Variants in HELZ2 observed in about 807,000 individuals in gnomAD.
HELZ2 encodes the protein 3'-5' exoribonuclease HELZ2.
Under a neutral mutation model 208.8 loss-of-function variants are expected in HELZ2, and 143 were observed. That is an observed-to-expected ratio of 0.68 (90% CI 0.60 to 0.79). HELZ2 has a LOEUF of 0.79. HELZ2 is among the 30% of genes least tolerant of loss of function. The probability of loss-of-function intolerance (pLI) is 0.00; values close to 1 mark genes in which losing one functional copy is unlikely to be tolerated. For synonymous variants in HELZ2, 1,705 were observed against 1,693.7 expected (o/e 1.01, Z -0.16); for missense variants, 3,690 against 3,794.5 (o/e 0.97, Z 0.72).
At chr20:63,560,304 G>T in exon 17 of HELZ2, 1 of 1,555,592 alleles carries the variant, frequency 6.4e-7, no homozygotes, top group Non-Finnish European at 8.7e-7. Flanking sequence ...TCCTCCCCAG[G>T]GTCAGCTGCT....
At chr20:63,559,511 GATGGGA>G (rs1411170055) in intron 18 of HELZ2, 141 bp from the exon 20 acceptor site, 183 of 363,090 alleles carry the variant, frequency 5.0e-4, no homozygotes, top group Middle Eastern at 1.4e-3. Flanking sequence ...GTCAGGGTCA[GATGGGA>G]GTCAGTCAGA....
chr20:63,559,361 A>G, exon 19 of HELZ2: 5 of 1,596,018 alleles, frequency 3.1e-6, no homozygotes, highest in Non-Finnish European at 4.3e-6. Context: ...GCGCAGAAGG[A>G]GGTGGTCTCC....
chr20:63,565,364 C>T lies in HELZ2; in HGVS notation c.3458G>A (p.Gly1153Asp), dbSNP rs1158748057. ...CAGGCGGCCCCTGACCTGGATGGGG[C>T]CCGAGGAGGCATCGTCCAGCGGGAT... The change falls in exon 8 of 19, where the codon GGC becomes GAC. Residue 1153 changes from glycine (G) to aspartate (D), a missense_variant. Gly to Asp is a moderately conservative substitution (Grantham distance 94). Coordinates refer to ENST00000467148, the Ensembl canonical transcript of HELZ2. 3 of 1,607,172 alleles carry T rather than the reference C, an allele frequency of 1.9e-6. No homozygotes were observed. In the South Asian group the frequency reaches 3.3e-5, roughly 18 times the overall value.
Position 63,564,901 on chromosome 20 carries a change from C to T in HELZ2, c.3921G>A (p.Arg1307=), listed in dbSNP as rs770687703. The T allele has an allele frequency of 2.5e-6, 4 of 1,612,188 alleles. No homozygotes were observed. In the South Asian group the frequency reaches 3.3e-5, roughly 13 times the overall value. Residue 1307 remains arginine, a synonymous_variant, in exon 8 of 19, where the codon AGG becomes AGA. Coordinates refer to ENST00000467148, the Ensembl canonical transcript of HELZ2. Reference sequence around the variant, plus strand: ...TGGTGGCCTGGTCCGACGGGGGCACCCTCAAGCTGTACTCCAGGCCGAGGA... The same window carrying T: ...TGGTGGCCTGGTCCGACGGGGGCACTCTCAAGCTGTACTCCAGGCCGAGGA...
At chr20:63,568,751 C>G in exon 5 of HELZ2, 3 of 1,604,872 alleles carry the variant, frequency 1.9e-6, no homozygotes, top group Non-Finnish European at 2.5e-6. Flanking sequence ...AAGCAGCAGC[C>G]ACAGCGCCTG....
At chr20:63,561,801 C>T in intron 11 of HELZ2, 22 bp downstream of exon 12, 1 of 1,554,088 alleles carries the variant, frequency 6.4e-7, no homozygotes. Context: ...CCCAAAGGCC[C>T]CCACCGCCGA....
chr20:63,572,738 A>T (rs929349992), upstream of HELZ2: 5 of 263,496 alleles, frequency 1.9e-5, no homozygotes, highest in Non-Finnish European at 3.6e-5. Flanking sequence ...CTTCAGCCAT[A>T]GGCGCTGGAG....
chr20:63,564,143 C>T (rs1305047111), exon 8 of HELZ2: 1 of 1,611,770 alleles, frequency 6.2e-7, no homozygotes, highest in Non-Finnish European at 8.5e-7. Context: ...GAGCTGCTGG[C>T]TGCGGGGTGC....
intron 2 of HELZ2, 36 bp from the exon 4 acceptor site, chr20:63,570,647 A>ACGCCCCCCC: frequency 6.7e-7 from 1 of 1,497,370 alleles, no homozygotes; most frequent in Non-Finnish European, 9.2e-7. Flanking sequence ...AGAGGCCTGG[A>ACGCCCCCCC]CCCCACCCCA....
intron 1 of HELZ2, 109 bp downstream of exon 2, chr20:63,571,999 G>A: frequency 7.7e-7 from 1 of 1,297,044 alleles, no homozygotes; most frequent in Non-Finnish European, 1.0e-6. Flanking sequence ...GGGAGCCTCT[G>A]GCTCTGCCTG....
exon 1 of HELZ2, chr20:63,572,190 G>C: frequency 6.2e-7 from 1 of 1,608,922 alleles, no homozygotes; most frequent in Non-Finnish European, 8.5e-7. Context: ...GCCACCATCT[G>C]TGCGTGCTCC....
At chr20:63,558,915 G>A (rs145867812), downstream of HELZ2, 128 of 230,640 alleles carry the variant, frequency 5.5e-4, no homozygotes, top group African/African-American at 2.6e-3. Flanking sequence ...TACAGGTGGC[G>A]TCCAAAGGTC....
chr20:63,572,562 C>A (rs958013105), upstream of HELZ2: 8 of 654,648 alleles, frequency 1.2e-5, no homozygotes, highest in African/African-American at 1.5e-4. Context: ...GAGGGGCAGG[C>A]TCCGTGCTCA....
At chr20:63,567,004 A>C in exon 6 of HELZ2, 4 of 1,611,022 alleles carry the variant, frequency 2.5e-6, no homozygotes, top group Non-Finnish European at 3.4e-6. Flanking sequence ...GCTGCCCGCC[A>C]CGTGGCAGAA....
chr20:63,569,359 G>C (rs780240947), exon 4 of HELZ2: 2 of 1,606,744 alleles, frequency 1.2e-6, no homozygotes, highest in Non-Finnish European at 1.7e-6. Context: ...GTGTGCCAGC[G>C]CTCCATCTCC....
At position 63,568,996 on chromosome 20, in the gene HELZ2, C is replaced by A. The variant is rs969452966; in HGVS notation, c.1092G>T (p.Leu364=). ...TCAGGAACACCTGGCCCCGCAGGGT[C>A]AGCCTGGCAGGATGGCCTGGGTCAG... The change falls in exon 5 of 19, where the codon CTG becomes CTT. Residue 364 remains leucine, a synonymous_variant. Transcript: ENST00000467148. 3.7e-6 allele frequency: 6 copies of A among 1,601,298 alleles called. No homozygotes were observed. The Admixed American group carries it at 1.0e-4, about 27-fold the overall frequency.
chr20:63,560,126 G>C (rs376187067), intron 17 of HELZ2, 31 bp from the exon 19 acceptor site: 5 of 1,557,670 alleles, frequency 3.2e-6, no homozygotes, highest in Non-Finnish European at 4.3e-6. Context: ...CCCTGCTGCC[G>C]CTGCGCCCAC....
chr20:63,574,088 C>T (rs1349734973), upstream of HELZ2: 1 of 146,344 alleles, frequency 6.8e-6, no homozygotes, highest in Non-Finnish European at 1.5e-5. Context: ...CCTCCGCCCC[C>T]GGCCCCGCCA....
intron 9 of HELZ2, 22 bp from the exon 11 acceptor site, chr20:63,562,225 G>A: frequency 1.2e-6 from 2 of 1,610,858 alleles, no homozygotes; most frequent in Non-Finnish European, 1.7e-6. Flanking sequence ...CAGCCTCCCT[G>A]AGCACTCATG....
Sources: allele counts gnomAD v4.1 joint callset, GRCh38; gene constraint gnomAD v4.1.1; transcripts MANE v1.5; gene names NCBI Gene and HGNC (gene_info 2026-07-23, HGNC 2026-07-21).